The following USP35 variants were observed in gnomAD, a reference collection of about 807,000 sequenced individuals.
USP35 encodes the protein ubiquitin specific peptidase 35.
USP35 carries 69 observed loss-of-function variants against 83.8 expected under a neutral mutation model. The ratio of observed to expected loss-of-function variants is 0.82; its 90% confidence interval spans 0.68 to 1.01. The LOEUF (loss-of-function observed/expected upper bound fraction) is 1.01, where lower values mean the gene tolerates loss of function less well. Among genes scored for constraint, USP35 ranks in the 50% least tolerant of loss-of-function variants. The probability of loss-of-function intolerance (pLI) is 0.00; values close to 1 mark genes in which losing one functional copy is unlikely to be tolerated. For synonymous variants in USP35, 714 were observed against 589.5 expected (o/e 1.21, Z -3.06); for missense variants, 1,503 against 1,362.5 (o/e 1.10, Z -1.62).
intron 6 of USP35, among the ~76,000 whole-genome samples, chr11:78,203,415 T>A (rs1863420907): frequency 1.3e-5 from 2 of 152,118 alleles, no homozygotes; most frequent in African/African-American, 4.8e-5. Context: ...ACCACTCGGC[T>A]AGATCTGGGC....
rs189206984 is a variant in USP35, at chr11:78,196,103, A to G, written c.-10-133A>G. On this transcript the variant is annotated intron_variant, in intron 1 of 10. Coordinates refer to ENST00000529308, the MANE Select transcript of USP35 (RefSeq NM_020798.4). The surrounding 1 kb of genome is among the most constrained non-coding windows in gnomAD (Gnocchi z 4.8). ...CTCAGTGAAATGACGCCCTTGCCCCATTTCACAGATGAGAAAACTGAGGCC... is the reference window on the plus strand; with the variant it reads ...CTCAGTGAAATGACGCCCTTGCCCCGTTTCACAGATGAGAAAACTGAGGCC... The G allele has an allele frequency of 1.2e-4, 165 of 1,382,556 alleles. No homozygotes were observed. In the African/African-American group the frequency reaches 2.4e-3, roughly 20 times the overall value. The allele number at this position is 1,382,556 out of a possible 1,614,324, so 85.6% of individuals were successfully genotyped here.
Position 78,214,274 on chromosome 11 carries a change from GTTT to G in USP35, c.*462_*464del. 7.1e-6 allele frequency: 1 copy of G among 140,448 alleles called. No individual in the cohort carries two copies. Among genetic ancestry groups the G allele is most frequent in the Non-Finnish European group, 1.5e-5 (1 of 66,160 alleles). 8.7% of individuals were successfully genotyped at this position (140,448 alleles called of 1,614,324 possible). On this transcript the variant is annotated 3_prime_UTR_variant, in exon 11 of 11. Coordinates refer to ENST00000529308, the MANE Select transcript of USP35 (RefSeq NM_020798.4). ...AGTGTCTCCTCTGGCTGTCCTGTTTGTTTGTTTCTCATATGGGGGTGGGGGGTA... is the reference window on the plus strand; with the variant it reads ...AGTGTCTCCTCTGGCTGTCCTGTTTGGTTTCTCATATGGGGGTGGGGGGTA...
the USP35 span, among the ~76,000 whole-genome samples, chr11:78,222,793 G>C: frequency 6.6e-6 from 1 of 152,056 alleles, no homozygotes; most frequent in Non-Finnish European, 1.5e-5. Flanking sequence ...ATTTTGGCCA[G>C]GCTGGTCTCG....
At chr11:78,232,385 TAAG>T in the USP35 span, among the ~76,000 whole-genome samples, 1 of 152,224 alleles carries the variant, frequency 6.6e-6, no homozygotes, top group East Asian at 1.9e-4. Context: ...CTTCTTGAAA[TAAG>T]AAGACAGACA....
intron 1 of USP35, among the ~76,000 whole-genome samples, chr11:78,191,356 G>C (rs1274726546): frequency 6.6e-6 from 1 of 152,212 alleles, no homozygotes; most frequent in Non-Finnish European, 1.5e-5. Flanking sequence ...GGAGTGTGCT[G>C]GTGTTGCTGG....
At chr11:78,233,730 G>T in the USP35 span, among the ~76,000 whole-genome samples, 6 of 151,882 alleles carry the variant, frequency 4.0e-5, no homozygotes, top group Non-Finnish European at 7.4e-5. Flanking sequence ...CCTCAGCCTC[G>T]CCAGTAGCTG....
chr11:78,196,285 C>T lies in USP35; in HGVS notation c.40C>T (p.Pro14Ser), dbSNP rs1449236441. 2 of 1,595,342 alleles carry T rather than the reference C, an allele frequency of 1.3e-6. No homozygotes were observed. The highest frequency in any genetic ancestry group is 1.7e-5 in the Admixed American group (1 of 59,820). The change falls in exon 2 of 11, where the codon CCG (proline) becomes TCG (serine). Residue 14 changes from proline to serine, a missense_variant. Coordinates refer to ENST00000529308, the MANE Select transcript of USP35 (RefSeq NM_020798.4). The surrounding 1 kb of genome is among the most constrained non-coding windows in gnomAD (Gnocchi z 4.8). ...ILEAVVTSSYPVSVKQGLVRR... is the reference protein window; with the variant it reads ...ILEAVVTSSYSVSVKQGLVRR... Reference sequence around the variant, plus strand: ...GGAGGCGGTGGTGACGTCGTCATACCCGGTCAGCGTGAAGCAGGGGCTGGT... The same window carrying T: ...GGAGGCGGTGGTGACGTCGTCATACTCGGTCAGCGTGAAGCAGGGGCTGGT...
chr11:78,225,347 A>G, the USP35 span: 1 of 604,184 alleles, frequency 1.7e-6, no homozygotes, highest in South Asian at 1.9e-5. Flanking sequence ...ATTTCTTCGA[A>G]CACATCACTC....
chr11:78,199,817 T>G, intron 4 of USP35, 93 bp downstream of exon 4: 1 of 1,585,258 alleles, frequency 6.3e-7, no homozygotes, highest in Non-Finnish European at 8.6e-7. Context: ...GCATTGGGCC[T>G]ACCCACCAAG....
chr11:78,233,250 G>C, the USP35 span, among the ~76,000 whole-genome samples: 1 of 152,112 alleles, frequency 6.6e-6, no homozygotes. Context: ...GCCCGGGCTG[G>C]TCTCAAACTT....
intron 6 of USP35, among the ~76,000 whole-genome samples, chr11:78,202,077 A>C (rs143533391): frequency 7.3e-4 from 111 of 152,326 alleles, no homozygotes; most frequent in African/African-American, 2.3e-3. Flanking sequence ...AAAAAGGAAG[A>C]GATAACTGAA....
At chr11:78,195,029 G>T (rs1863102673) in intron 1 of USP35, among the ~76,000 whole-genome samples, 1 of 152,146 alleles carries the variant, frequency 6.6e-6, no homozygotes, top group Non-Finnish European at 1.5e-5. Context: ...ATACACAAAG[G>T]CCCAGGGGCA....
At chr11:78,233,300 G>A in the USP35 span, among the ~76,000 whole-genome samples, 3 of 152,164 alleles carry the variant, frequency 2.0e-5, no homozygotes, top group African/African-American at 7.2e-5. Context: ...CTCCCAAAGT[G>A]CTGGGATTAT....
Position 78,213,642 on chromosome 11 carries a change from C to CCAGGAG in USP35, c.2893_2898dup. ...TCTAAGTCTCCTCTCATCTGTGTTC[C>CCAGGAG]CAGGAGCAGGAGAAGGAGGCCCGGA... On this transcript the variant is annotated splice_region_variant and splice_polypyrimidine_tract_variant and intron_variant, in intron 10 of 10. Coordinates refer to ENST00000529308, the MANE Select transcript of USP35 (RefSeq NM_020798.4). 5 of 1,481,176 alleles carry CCAGGAG rather than the reference C, an allele frequency of 3.4e-6. No individual in the cohort carries two copies. The highest frequency in any genetic ancestry group is 2.7e-5 in the East Asian group (1 of 37,092). 91.8% of individuals were successfully genotyped at this position (1,481,176 alleles called of 1,614,324 possible).
chr11:78,204,588 C>T (rs148133783), intron 6 of USP35, among the ~76,000 whole-genome samples: 19 of 152,278 alleles, frequency 1.2e-4, no homozygotes, highest in African/African-American at 4.6e-4. Context: ...ATCTTCTCTG[C>T]GTGTGCACGG....
the USP35 span, among the ~76,000 whole-genome samples, chr11:78,235,471 C>G: frequency 1.3e-5 from 2 of 152,138 alleles, no homozygotes; most frequent in African/African-American, 4.8e-5. Flanking sequence ...TTTTCTATCA[C>G]ATCGTCAGGT....
chr11:78,190,994 G>A (rs1003205014), intron 1 of USP35, among the ~76,000 whole-genome samples: 1 of 152,210 alleles, frequency 6.6e-6, no homozygotes, highest in Non-Finnish European at 1.5e-5. Context: ...GGTCCAAGGG[G>A]CTGGAGAGTG....
the USP35 span, among the ~76,000 whole-genome samples, chr11:78,234,438 T>G: frequency 6.6e-6 from 1 of 152,142 alleles, no homozygotes; most frequent in Non-Finnish European, 1.5e-5. Context: ...TTTTAATTTT[T>G]GGGTGAGTGG....
Position 78,196,671 on chromosome 11 carries a change from G to T in USP35, c.426G>T (p.Ala142=). Residue 142 remains alanine (A), a synonymous_variant, in exon 2 of 11, where the codon GCG becomes GCT. Coordinates refer to ENST00000529308, the MANE Select transcript of USP35 (RefSeq NM_020798.4). The surrounding 1 kb of genome is among the most constrained non-coding windows in gnomAD (Gnocchi z 4.8). Reference sequence around the variant, plus strand: ...AGCGCCCGGGCCCCGCGGCCTGCGCGCAGGTGGCACGGCTGCTGGCTCGCC... The same window carrying T: ...AGCGCCCGGGCCCCGCGGCCTGCGCTCAGGTGGCACGGCTGCTGGCTCGCC... ...VCERPGPAAC[A]QVARLLARHP... is the part of the protein sequence containing the mutation. 2.0e-6 allele frequency: 3 copies of T among 1,465,776 alleles called. No homozygotes were observed. Among genetic ancestry groups the T allele is most frequent in the Non-Finnish European group, 2.7e-6 (3 of 1,115,812 alleles). The allele number at this position is 1,465,776 out of a possible 1,614,324, so 90.8% of individuals were successfully genotyped here.
Sources: gnomAD v4.1 joint callset for allele counts (sites outside exome capture counted in the v4.1 genomes callset) on GRCh38, gnomAD v4.1.1 for gene constraint, Gnocchi (gnomAD v3.1) non-coding constraint, MANE v1.5 for transcripts, NCBI Gene and HGNC (gene_info 2026-07-23, HGNC 2026-07-21) for gene names.